The following GRID2 variants were observed in gnomAD, a reference collection of about 807,000 sequenced individuals.
GRID2 encodes glutamate receptor ionotropic, delta-2.
Under a neutral mutation model 114.8 loss-of-function variants are expected in GRID2, and 33 were observed. The observed-to-expected ratio is 0.29, with a 90% confidence interval of 0.22 to 0.38. GRID2 has a LOEUF of 0.38. Ranked by LOEUF, GRID2 falls within the 10% of genes least tolerant of loss-of-function variation. The pLI, the probability that GRID2 is intolerant of heterozygous loss-of-function variation, is 1.00. For synonymous variants in GRID2, 505 were observed against 449.9 expected, an observed-to-expected ratio of 1.12 and a Z score of -1.55; for missense variants, 1,184 against 1,257.7, an observed-to-expected ratio of 0.94 and a Z score of 0.89.
intron 1 of GRID2, among the ~76,000 whole-genome samples, chr4:92,560,352 A>G (rs1004529380): frequency 1.3e-5 from 2 of 152,152 alleles, no homozygotes; most frequent in African/African-American, 4.8e-5. Flanking sequence ...GTATTTTATT[A>G]TGAGGTCAAT....
In GRID2 at chr4:92,939,435, G is replaced by T. The variant is rs577966244; in HGVS notation, c.245-145560G>T. On this transcript the variant is annotated intron_variant, in intron 2 of 15. Coordinates refer to ENST00000282020, the MANE Select transcript of GRID2 (RefSeq NM_001510.4). ...TTGTTTGTTTTTTTCTTGTAAATTTGTTTGAGTTCATTGTAGATTCTGGAT... is the reference window on the plus strand; with the variant it reads ...TTGTTTGTTTTTTTCTTGTAAATTTTTTTGAGTTCATTGTAGATTCTGGAT... 6.9e-4 allele frequency among the ~76,000 whole-genome samples: 102 copies of T among 147,128 alleles called. 14 individuals carry two copies. The Middle Eastern group carries it at 0.011, about 15-fold the overall frequency.
Position 92,762,812 on chromosome 4 carries a change from C to A in GRID2, c.244+172526C>A, listed in dbSNP as rs950924992. ...TACTTTTTATCCTGTGATGTTGTGGCATCTTTCCCAGCCACACTGACGTAG... is the reference window on the plus strand; with the variant it reads ...TACTTTTTATCCTGTGATGTTGTGGAATCTTTCCCAGCCACACTGACGTAG... On this transcript the variant is annotated intron_variant, in intron 2 of 15. Transcript: ENST00000282020. Among the ~76,000 whole-genome samples the A allele has an allele frequency of 2.6e-5, 4 of 152,320 alleles. No individual in the cohort carries two copies. The South Asian group carries it at 8.3e-4, about 32-fold the overall frequency.
chr4:93,383,048 T>C (rs1237036362), intron 8 of GRID2, among the ~76,000 whole-genome samples: 1 of 152,064 alleles, frequency 6.6e-6, no homozygotes, highest in Non-Finnish European at 1.5e-5. Flanking sequence ...CTTTCTAATT[T>C]CCCGTGTGTA....
At chr4:93,671,655 C>G (rs571955469) in intron 14 of GRID2, among the ~76,000 whole-genome samples, 38 of 152,210 alleles carry the variant, frequency 2.5e-4, no homozygotes, top group African/African-American at 8.7e-4. Context: ...TAGAACAACA[C>G]TATATATATT....
intron 8 of GRID2, among the ~76,000 whole-genome samples, chr4:93,366,324 G>A (rs528258099): frequency 6.6e-6 from 1 of 151,992 alleles, no homozygotes; most frequent in African/African-American, 2.4e-5. Flanking sequence ...CTCTAAACTG[G>A]CACCCCTGGG....
chr4:93,807,943 T>A (rs1735064191), exon 2 of GRID2: 1 of 151,992 alleles, frequency 6.6e-6, no homozygotes, highest in African/African-American at 2.4e-5. Flanking sequence ...ACAATGGCCA[T>A]AAGTATTCCC....
chr4:92,818,563 G>A (rs550408565), intron 2 of GRID2, among the ~76,000 whole-genome samples: 4 of 152,038 alleles, frequency 2.6e-5, no homozygotes, highest in East Asian at 1.9e-4. Context: ...GATCTTGCTC[G>A]CAAACTTATT....
chr4:92,991,490 A>G (rs11729427), intron 2 of GRID2, among the ~76,000 whole-genome samples: 150 of 152,332 alleles, frequency 9.8e-4, no homozygotes, highest in Non-Finnish European at 1.8e-3. Flanking sequence ...ATCTCCGTGC[A>G]AATAATTAAT....
rs555290300 is a variant in GRID2 at position 92,517,903 on chromosome 4, A to C, written c.89-72228A>C. 7.3e-5 allele frequency among the ~76,000 whole-genome samples: 11 copies of C among 150,398 alleles called. No homozygotes were observed. In the East Asian group the frequency reaches 1.6e-3, roughly 21 times the overall value. ...GAACAATATTTTCAGATAGGCAAAA[A>C]CAAACAAACAAACAAAAAACCAAAA... On this transcript the variant is annotated intron_variant, in intron 1 of 15. Coordinates refer to ENST00000282020, the MANE Select transcript of GRID2 (RefSeq NM_001510.4).
intron 8 of GRID2, among the ~76,000 whole-genome samples, chr4:93,313,120 T>C (rs1039610246): frequency 6.6e-6 from 1 of 152,174 alleles, no homozygotes; most frequent in Non-Finnish European, 1.5e-5. Context: ...ATACCACTTT[T>C]TTTTTTCACA....
At chr4:93,340,397 C>T (rs1759529917) in intron 8 of GRID2, among the ~76,000 whole-genome samples, 1 of 151,652 alleles carries the variant, frequency 6.6e-6, no homozygotes, top group Admixed American at 6.6e-5. Context: ...TTTAAAATTT[C>T]TTTGGGTTCC....
At chr4:93,114,528 A>G (rs1733059999) in intron 4 of GRID2, among the ~76,000 whole-genome samples, 1 of 152,138 alleles carries the variant, frequency 6.6e-6, no homozygotes, top group African/African-American at 2.4e-5. Flanking sequence ...ACTGTGGACC[A>G]GTTATTCCAC....
chr4:92,879,324 A>G (rs953079502), intron 2 of GRID2, among the ~76,000 whole-genome samples: 3 of 152,198 alleles, frequency 2.0e-5, no homozygotes, highest in Non-Finnish European at 4.4e-5. Flanking sequence ...CAATAAAATG[A>G]CACCCAAAAT....
At chr4:93,064,989 C>G (rs1422461089) in intron 2 of GRID2, among the ~76,000 whole-genome samples, 2 of 151,772 alleles carry the variant, frequency 1.3e-5, no homozygotes, top group Non-Finnish European at 2.9e-5. Flanking sequence ...CTCTTCAAAA[C>G]TTATTCGTCA....
chr4:93,717,458 C>T (rs1371244621), intron 14 of GRID2, among the ~76,000 whole-genome samples: 2 of 151,792 alleles, frequency 1.3e-5, no homozygotes, highest in African/African-American at 2.4e-5. Context: ...CTAAACACTT[C>T]AGAGCCCTTA....
In GRID2 at chr4:92,399,663, C is replaced by CTA. The variant is rs1209369672; in HGVS notation, c.88+94920_88+94921insAT. On this transcript the variant is annotated intron_variant, in intron 1 of 15. Coordinates refer to ENST00000282020, the MANE Select transcript of GRID2 (RefSeq NM_001510.4). ...TCTCTCTCTCTCTCTCTCTCTCTCT[C>CTA]TCTATATATATATATATATATACAT... 2.0e-3 allele frequency among the ~76,000 whole-genome samples: 267 copies of CTA among 131,746 alleles called. 2 individuals are homozygous for CTA. In the East Asian group the frequency reaches 0.025, roughly 12 times the overall value. 86.4% of individuals were successfully genotyped at this position (131,746 alleles called of 152,430 possible). A position where few individuals can be genotyped will look rare whatever the true frequency, so the allele number is the denominator to read the frequency against.
chr4:93,508,343 C>T (rs1340707597), intron 12 of GRID2, among the ~76,000 whole-genome samples: 3 of 151,740 alleles, frequency 2.0e-5, no homozygotes, highest in East Asian at 2.0e-4. Context: ...ACTGCAGGCA[C>T]CCACCACCAT....
intron 8 of GRID2, among the ~76,000 whole-genome samples, chr4:93,278,631 A>G (rs886338965): frequency 6.6e-6 from 1 of 152,042 alleles, no homozygotes; most frequent in Non-Finnish European, 1.5e-5. Context: ...TATATAATGA[A>G]TACACAAAAA....
intron 2 of GRID2, among the ~76,000 whole-genome samples, chr4:92,814,494 A>G (rs1390667543): frequency 1.3e-5 from 2 of 152,076 alleles, no homozygotes; most frequent in Non-Finnish European, 2.9e-5. Flanking sequence ...CTGGTGGACA[A>G]ATTGCTGAGG....
Sources: allele counts gnomAD v4.1 joint callset (sites outside exome capture counted in the v4.1 genomes callset), GRCh38; gene constraint gnomAD v4.1.1; transcripts MANE v1.5; gene names NCBI Gene and HGNC (gene_info 2026-07-23, HGNC 2026-07-21).